Variants in WDR37 observed in about 807,000 individuals in gnomAD.
WDR37 encodes WD repeat-containing protein 37.
A neutral mutation model predicts 62.9 loss-of-function variants in WDR37; 19 were observed. The observed-to-expected ratio is 0.30, with a 90% confidence interval of 0.21 to 0.44. WDR37 has a LOEUF of 0.44. WDR37 is among the 20% of genes least tolerant of loss of function. The probability of loss-of-function intolerance (pLI) is 1.00; values close to 1 mark genes in which losing one functional copy is unlikely to be tolerated. For missense variants in WDR37, 474 were observed against 657.6 expected (o/e 0.72, Z 3.05); for synonymous variants, 250 against 260.9 (o/e 0.96, Z 0.40).
intron 13 of WDR37, among the ~76,000 whole-genome samples, 162 bp from the exon 14 acceptor site, chr10:1,129,051 T>A (rs573780679): frequency 1.3e-5 from 2 of 152,082 alleles, no homozygotes; most frequent in East Asian, 1.9e-4. Flanking sequence ...TGGTCCATGC[T>A]TGGTGGTCCG....
intron 9 of WDR37, 42 bp downstream of exon 9, chr10:1,096,288 G>A (rs763324068): frequency 2.6e-5 from 41 of 1,589,758 alleles, no homozygotes; most frequent in Non-Finnish European, 3.5e-5. Flanking sequence ...GGATGCTGAT[G>A]TCTGCGAATC....
rs573088934 is a variant in WDR37 at position 1,073,377 on chromosome 10, G to A, written c.138+1084G>A. 1.8e-4 allele frequency among the ~76,000 whole-genome samples: 28 copies of A among 152,228 alleles called. No homozygotes were observed. In the South Asian group the frequency reaches 5.6e-3, roughly 31 times the overall value. On this transcript the variant is annotated intron_variant, in intron 2 of 13. Coordinates refer to ENST00000263150, the MANE Select transcript of WDR37 (RefSeq NM_014023.4). ...GGTAACTTTATGCCAGGACTTCGAG[G>A]CCGGGACCTCTACACTGAATACAGC...
chr10:1,079,141 G>C (rs555639381), intron 3 of WDR37, among the ~76,000 whole-genome samples: 1 of 151,712 alleles, frequency 6.6e-6, no homozygotes, highest in Non-Finnish European at 1.5e-5. Flanking sequence ...CTGGAGTGCA[G>C]TGGCGTGATC....
chr10:1,116,780 T>C (rs1000621427), intron 11 of WDR37, among the ~76,000 whole-genome samples: 1 of 152,156 alleles, frequency 6.6e-6, no homozygotes, highest in Non-Finnish European at 1.5e-5. Flanking sequence ...GGGGTGGTCT[T>C]GGGTGTTTCC....
chr10:1,066,097 A>G lies in WDR37; in HGVS notation c.-40-6019A>G, dbSNP rs970824072. ...AAAATAAAAAGAGAGATGTTAGTCTAAAATGGAGAAAAGATATGTAGGACT... is the reference window on the plus strand; with the variant it reads ...AAAATAAAAAGAGAGATGTTAGTCTGAAATGGAGAAAAGATATGTAGGACT... On this transcript the variant is annotated intron_variant, in intron 1 of 13. Transcript: ENST00000263150. Among the ~76,000 whole-genome samples the G allele has an allele frequency of 2.6e-5, 4 of 152,182 alleles. No individual in the cohort carries two copies. In the South Asian group the frequency reaches 8.3e-4, roughly 32 times the overall value.
At chr10:1,068,358 G>GTAGTCCC (rs57136058) in intron 1 of WDR37, among the ~76,000 whole-genome samples, 75 of 144,560 alleles carry the variant, frequency 5.2e-4, no homozygotes, top group East Asian at 8.2e-4. Flanking sequence ...GCGGGCGCCT[G>GTAGTCCC]AGGCAGGAGA....
chr10:1,072,210 A>C lies in WDR37; in HGVS notation c.55A>C (p.Lys19Gln), dbSNP rs1483593590. ...STARQTKQKR[K>Q]SHSLSIRRTN... is the part of the protein sequence containing the mutation. ...TGCTCGCCAAACAAAACAGAAGCGC[A>C]AATCCCATAGCCTTTCTATACGAAG... Residue 19 changes from lysine to glutamine, a missense_variant, in exon 2 of 14, where the codon AAA (lysine) becomes CAA (glutamine). Transcript: ENST00000263150. The C allele has an allele frequency of 6.2e-7, 1 of 1,614,200 alleles. No individual in the cohort carries two copies. The highest frequency in any genetic ancestry group is 1.1e-5 in the South Asian group (1 of 91,084).
At chr10:1,069,718 G>A (rs992386700) in intron 1 of WDR37, among the ~76,000 whole-genome samples, 1 of 151,882 alleles carries the variant, frequency 6.6e-6, no homozygotes, top group Non-Finnish European at 1.5e-5. Flanking sequence ...TTTGTATCTT[G>A]AACATGTGGC....
chr10:1,078,696 A>G (rs1833945926), intron 3 of WDR37, among the ~76,000 whole-genome samples: 1 of 152,236 alleles, frequency 6.6e-6, no homozygotes, highest in Non-Finnish European at 1.5e-5. Flanking sequence ...ATTTATATAT[A>G]TAAAGACAGG....
At chr10:1,076,406 G>A (rs989671119) in intron 2 of WDR37, among the ~76,000 whole-genome samples, 43 of 152,152 alleles carry the variant, frequency 2.8e-4, no homozygotes, top group African/African-American at 8.2e-4. Context: ...TCGGCCACGC[G>A]CGGTGGCTCA....
In WDR37 at chr10:1,129,430, T is replaced by C. The variant is rs1835909823; in HGVS notation, c.*86T>C. On this transcript the variant is annotated 3_prime_UTR_variant, in exon 14 of 14. Coordinates refer to ENST00000263150, the MANE Select transcript of WDR37 (RefSeq NM_014023.4). ...TTTCTGCGTATTAATCAGCCATTTT[T>C]GTGAGAGTTTGACCCTGGAAAGGGT... 1.5e-5 allele frequency: 23 copies of C among 1,569,360 alleles called. No homozygotes were observed. The Admixed American group carries it at 3.5e-4, about 24-fold the overall frequency.
At position 1,124,370 on chromosome 10, in the gene WDR37, GTTAAGTAAGTGGC is replaced by G; in HGVS notation, c.1238+22_1238+34del. On this transcript the variant is annotated intron_variant, in intron 12 of 13. Coordinates refer to ENST00000263150, the MANE Select transcript of WDR37 (RefSeq NM_014023.4). ...ATTAACAGGTAAAGTCAAACTGTTG[GTTAAGTAAGTGGC>G]TTAGTTTGATGTGAAAGGATTGATT... The G allele has an allele frequency of 6.2e-7, 1 of 1,613,958 alleles. No individual in the cohort carries two copies. The highest frequency in any genetic ancestry group is 1.6e-4 in the Middle Eastern group (1 of 6,062).
intron 2 of WDR37, chr10:1,074,235 C>A: frequency 1.1e-6 from 1 of 921,896 alleles, no homozygotes; most frequent in Non-Finnish European, 1.4e-6. Flanking sequence ...AGTGGAAACC[C>A]TGCAGCCTCC....
intron 11 of WDR37, among the ~76,000 whole-genome samples, chr10:1,119,110 G>A (rs912211794): frequency 6.6e-6 from 1 of 152,246 alleles, no homozygotes; most frequent in Non-Finnish European, 1.5e-5. Context: ...TGCAAAACAA[G>A]TCAAGAGCAT....
intron 6 of WDR37, among the ~76,000 whole-genome samples, chr10:1,085,012 A>T (rs562211165): frequency 7.2e-5 from 11 of 152,332 alleles, no homozygotes; most frequent in Admixed American, 5.9e-4. Context: ...CCCAGGCTGG[A>T]GTGCAGTGGC....
At chr10:1,109,971 A>T (rs1487330810) in intron 11 of WDR37, among the ~76,000 whole-genome samples, 2 of 152,158 alleles carry the variant, frequency 1.3e-5, no homozygotes, top group Admixed American at 1.3e-4. Context: ...TCCAGGCTGT[A>T]GGCTGTGCTT....
rs577177962 is a variant in WDR37 at position 1,110,685 on chromosome 10, A to G, written c.1103+5418A>G. Among the ~76,000 whole-genome samples the G allele has an allele frequency of 5.0e-4, 76 of 152,342 alleles. 1 individual carries two copies. The Middle Eastern group carries it at 0.014, about 27-fold the overall frequency. Reference sequence around the variant, plus strand: ...GTCACTTGTCTGGGACGTTCTGAACATGACTTGTAAGAGCACACCCTGGGT... The same window carrying G: ...GTCACTTGTCTGGGACGTTCTGAACGTGACTTGTAAGAGCACACCCTGGGT... On this transcript the variant is annotated intron_variant, in intron 11 of 13. Transcript: ENST00000263150.
At chr10:1,073,427 A>G (rs1248798360) in intron 2 of WDR37, among the ~76,000 whole-genome samples, 4 of 152,230 alleles carry the variant, frequency 2.6e-5, no homozygotes, top group Non-Finnish European at 4.4e-5. Context: ...ATCCGACATG[A>G]CTGTTGCCAC....
chr10:1,116,001 T>G (rs912230520), intron 11 of WDR37, among the ~76,000 whole-genome samples: 4 of 152,210 alleles, frequency 2.6e-5, no homozygotes, highest in African/African-American at 9.7e-5. Flanking sequence ...ATTAGAGTAC[T>G]TTAACAAAAT....
Sources: gnomAD v4.1 joint callset for allele counts (sites outside exome capture counted in the v4.1 genomes callset) on GRCh38, gnomAD v4.1.1 for gene constraint, MANE v1.5 for transcripts, NCBI Gene and HGNC (gene_info 2026-07-23, HGNC 2026-07-21) for gene names.